LARS2: variants seen among roughly 807,000 people sequenced by gnomAD.
The protein encoded by LARS2 is leucyl-tRNA synthetase 2, mitochondrial.
A neutral mutation model predicts 116.6 loss-of-function variants in LARS2; 81 were observed. The observed-to-expected ratio is 0.69, with a 90% CI of 0.58 to 0.84. The LOEUF (loss-of-function observed/expected upper bound fraction) is 0.84, where lower values mean the gene tolerates loss of function less well. Ranked by LOEUF, LARS2 falls within the 40% of genes least tolerant of loss-of-function variation. The probability of loss-of-function intolerance (pLI) is 0.00; values close to 1 mark genes in which losing one functional copy is unlikely to be tolerated. For synonymous variants in LARS2, 396 were observed against 407.2 expected, an observed-to-expected ratio of 0.97 and a Z score of 0.33; for missense variants, 968 against 1,114.5, an observed-to-expected ratio of 0.87 and a Z score of 1.87.
intron 20 of LARS2, among the ~76,000 whole-genome samples, chr3:45,540,452 G>A (rs992670312): frequency 1.3e-5 from 2 of 152,164 alleles, no homozygotes; most frequent in African/African-American, 2.4e-5. Context: ...CACAAACTCA[G>A]CTTCAGCCCA....
chr3:45,537,671 C>T (rs1374910696), intron 20 of LARS2, among the ~76,000 whole-genome samples: 1 of 152,160 alleles, frequency 6.6e-6, no homozygotes, highest in Admixed American at 6.5e-5. Context: ...TAGCAGGGAT[C>T]GGACGCCGCA....
Position 45,476,517 on chromosome 3 carries a change from CT to C in LARS2, c.909del (p.Glu304LysfsTer24), listed in dbSNP as rs1434745125. The C allele has an allele frequency of 1.2e-6, 2 of 1,614,200 alleles. No homozygotes were observed. Among genetic ancestry groups the C allele is most frequent in the Non-Finnish European group, 1.7e-6 (2 of 1,180,004 alleles). On this transcript the variant is annotated frameshift_variant, in exon 10 of 22. Coordinates refer to ENST00000645846, the MANE Select transcript of LARS2 (RefSeq NM_015340.4). LOFTEE classifies it high-confidence loss of function. ...AAGCTGACTGCCTATACGGCCACCC[CT>C]GAAGCCATTTATGGCACCTCCCACG... ...GEKLTAYTAT[P>X]EAIYGTSHVA...
At chr3:45,506,922 A>G (rs1381629599) in intron 15 of LARS2, 1 of 152,046 alleles carries the variant, frequency 6.6e-6, no homozygotes, top group Admixed American at 6.6e-5. Flanking sequence ...CTTACGTAAG[A>G]GGCTGGCCTC....
At position 45,491,568 on chromosome 3, in the gene LARS2, C is replaced by T. The variant is rs777797843; in HGVS notation, c.1291C>T (p.Arg431Trp). The T allele has an allele frequency of 1.2e-5, 20 of 1,614,088 alleles. No homozygotes were observed. The highest frequency in any genetic ancestry group is 1.7e-5 in the Non-Finnish European group (20 of 1,180,006). Residue 431 changes from arginine (R) to tryptophan (W), a missense_variant, in exon 13 of 22, where the codon CGG becomes TGG. Transcript: ENST00000645846. ...DAFLALTQKA[R>W]GKRVGGDVTS... ...TTTTCTAGCCCTGACTCAGAAAGCC[C>T]GGGGGAAGAGAGTGGGTGGAGACGT...
rs570883574 is a variant in LARS2, at chr3:45,398,143, T to C, written c.235-2102T>C. Among the ~76,000 whole-genome samples, 3 of 152,378 alleles carry C rather than the reference T, an allele frequency of 2.0e-5. No homozygotes were observed. In the South Asian group the frequency reaches 6.2e-4, roughly 32 times the overall value. On this transcript the variant is annotated intron_variant, in intron 3 of 21. Transcript: ENST00000645846. ...TTTCCCATCTCTTCCTTCAGGCAGCTTAACACTCCTTGGTAATTTCTAGAG... is the reference window on the plus strand; with the variant it reads ...TTTCCCATCTCTTCCTTCAGGCAGCCTAACACTCCTTGGTAATTTCTAGAG...
At chr3:45,540,760 C>G (rs1034303887) in intron 20 of LARS2, among the ~76,000 whole-genome samples, 1 of 150,572 alleles carries the variant, frequency 6.6e-6, no homozygotes, top group Non-Finnish European at 1.5e-5. Context: ...ATCTATCTAT[C>G]TATCTATCTA....
intron 8 of LARS2, among the ~76,000 whole-genome samples, chr3:45,471,844 G>A (rs947168827): frequency 2.0e-5 from 3 of 152,098 alleles, no homozygotes; most frequent in African/African-American, 7.2e-5. Flanking sequence ...GCATTCTAGA[G>A]TACTTAATTT....
chr3:45,477,825 A>G (rs1009765368), intron 10 of LARS2, among the ~76,000 whole-genome samples: 1 of 152,224 alleles, frequency 6.6e-6, no homozygotes, highest in Non-Finnish European at 1.5e-5. Flanking sequence ...AAATGACCAG[A>G]ATGAAACATT....
At chr3:45,519,935 A>G (rs942331503) in intron 18 of LARS2, 8 of 339,820 alleles carry the variant, frequency 2.4e-5, no homozygotes, top group African/African-American at 1.5e-4. Flanking sequence ...GGTGTGAGCC[A>G]CTGTGCCCAG....
chr3:45,417,677 A>T, intron 5 of LARS2, 104 bp downstream of exon 5: 1 of 688,054 alleles, frequency 1.5e-6, no homozygotes. Flanking sequence ...AAAACACTGC[A>T]GCGTACCAAG....
At chr3:45,539,450 GTAAAA>G (rs1700758448) in intron 20 of LARS2, among the ~76,000 whole-genome samples, 2 of 152,028 alleles carry the variant, frequency 1.3e-5, no homozygotes, top group African/African-American at 4.8e-5. Flanking sequence ...GGCCAACATG[GTAAAA>G]CCCTGTCTCT....
chr3:45,535,331 C>T (rs1316924275), intron 20 of LARS2, among the ~76,000 whole-genome samples: 7 of 145,228 alleles, frequency 4.8e-5, no homozygotes, highest in Non-Finnish European at 6.0e-5. Flanking sequence ...CCTGCCTGGG[C>T]GACAGAGTGA....
chr3:45,508,630 T>C (rs920162376), intron 15 of LARS2, among the ~76,000 whole-genome samples: 1 of 151,834 alleles, frequency 6.6e-6, no homozygotes, highest in South Asian at 2.1e-4. Context: ...GTCAGGGGAG[T>C]GGGCAGCAGG....
intron 13 of LARS2, among the ~76,000 whole-genome samples, chr3:45,493,154 C>T (rs979133410): frequency 2.6e-5 from 4 of 151,602 alleles, no homozygotes; most frequent in African/African-American, 4.9e-5. Context: ...GGCTGGAGTG[C>T]GGTGGTGCAA....
Position 45,441,149 on chromosome 3 carries a change from C to G in LARS2, c.517-5742C>G, listed in dbSNP as rs1328657870. 2.6e-5 allele frequency among the ~76,000 whole-genome samples: 4 copies of G among 151,600 alleles called. No homozygotes were observed. In the East Asian group the frequency reaches 7.8e-4, roughly 30 times the overall value. On this transcript the variant is annotated intron_variant, in intron 6 of 21. Transcript: ENST00000645846. Reference sequence around the variant, plus strand: ...AAGCAATTCTCCTGCCTCAGCCATCCAAGTAGCTGGGATTACAGGCATATG... The same window carrying G: ...AAGCAATTCTCCTGCCTCAGCCATCGAAGTAGCTGGGATTACAGGCATATG...
At chr3:45,479,346 G>A (rs1451794627) in intron 10 of LARS2, among the ~76,000 whole-genome samples, 1 of 152,270 alleles carries the variant, frequency 6.6e-6, no homozygotes, top group Admixed American at 6.5e-5. Context: ...GACACATGTG[G>A]CCAGGGTGAT....
At chr3:45,537,299 C>A (rs1700721322) in intron 20 of LARS2, among the ~76,000 whole-genome samples, 1 of 152,132 alleles carries the variant, frequency 6.6e-6, no homozygotes, top group Non-Finnish European at 1.5e-5. Context: ...AATTCTCCCT[C>A]TTGAGGTCTC....
chr3:45,514,337 G>A (rs552758472), intron 16 of LARS2, among the ~76,000 whole-genome samples: 64 of 152,208 alleles, frequency 4.2e-4, no homozygotes, highest in Non-Finnish European at 8.1e-4. Flanking sequence ...TAGGTCACAC[G>A]ACAACCCTGT....
chr3:45,393,378 C>T (rs894223981), intron 2 of LARS2, among the ~76,000 whole-genome samples: 8 of 151,864 alleles, frequency 5.3e-5, no homozygotes, highest in Non-Finnish European at 1.0e-4. Flanking sequence ...AGTTCGACAC[C>T]AACCTGGCCA....
Sources: allele counts gnomAD v4.1 joint callset (sites outside exome capture counted in the v4.1 genomes callset), GRCh38; gene constraint gnomAD v4.1.1; transcripts MANE v1.5; gene names NCBI Gene and HGNC (gene_info 2026-07-23, HGNC 2026-07-21).